SSH1: variants seen among roughly 807,000 people sequenced by gnomAD.
The protein encoded by SSH1 is slingshot protein phosphatase 1, also known as protein phosphatase Slingshot homolog 1.
A neutral mutation model predicts 79.7 loss-of-function variants in SSH1; 43 were observed. The ratio of observed to expected loss-of-function variants is 0.54; its 90% CI spans 0.42 to 0.70. SSH1 has a LOEUF of 0.70. Among genes scored for constraint, SSH1 ranks in the 30% least tolerant of loss-of-function variants. The pLI is 0.00. For synonymous variants in SSH1, 599 were observed against 538.3 expected (o/e 1.11, Z -1.56); for missense variants, 1,206 against 1,358.8 (o/e 0.89, Z 1.77).
chr12:108,851,647 T>C (rs1593137491), intron 2 of SSH1, among the ~76,000 whole-genome samples: 2 of 152,154 alleles, frequency 1.3e-5, no homozygotes, highest in Admixed American at 6.5e-5. Context: ...AAAACAAAAA[T>C]GTTTTTGGTG....
chr12:108,798,900 G>C (rs898742361), intron 13 of SSH1, 100 bp downstream of exon 13: 18 of 1,414,152 alleles, frequency 1.3e-5, no homozygotes, highest in Non-Finnish European at 1.8e-5. Flanking sequence ...CTGCTGGGCC[G>C]AATGGGAGCA....
intron 2 of SSH1, chr12:108,836,841 C>A: frequency 2.0e-6 from 1 of 506,706 alleles, no homozygotes; most frequent in South Asian, 1.5e-5. Flanking sequence ...GGGTGATGTT[C>A]CAGCCAAATA....
intron 3 of SSH1, among the ~76,000 whole-genome samples, chr12:108,819,070 G>A (rs1207670386): frequency 6.6e-6 from 1 of 151,942 alleles, no homozygotes; most frequent in African/African-American, 2.4e-5. Context: ...TCAAACTTCT[G>A]CATTTTCCAC....
intron 5 of SSH1, among the ~76,000 whole-genome samples, chr12:108,816,316 A>G (rs1316609241): frequency 6.6e-6 from 1 of 152,246 alleles, no homozygotes; most frequent in Non-Finnish European, 1.5e-5. Context: ...CATACACAGG[A>G]GAATGCAAAT....
chr12:108,825,945 C>T (rs2038293366), intron 2 of SSH1, among the ~76,000 whole-genome samples: 1 of 152,180 alleles, frequency 6.6e-6, no homozygotes, highest in South Asian at 2.1e-4. Context: ...AGATCATTTA[C>T]TATTTATTCT....
At chr12:108,829,197 G>A (rs1415125538) in intron 2 of SSH1, among the ~76,000 whole-genome samples, 1 of 152,060 alleles carries the variant, frequency 6.6e-6, no homozygotes, top group South Asian at 2.1e-4. Context: ...GTGTGGTGGT[G>A]CATGCCTGTA....
At position 108,799,174 on chromosome 12, in the gene SSH1, T is replaced by A. The variant is rs1248526059; in HGVS notation, c.1175A>T (p.His392Leu). Residue 392 changes from histidine (H) to leucine (L), a missense_variant, in exon 13 of 15, where the codon CAT (histidine) becomes CTT (leucine). Around this residue, in one of 5 missense-constraint regions of SSH1, gnomAD observed 166 missense variants for 262.9 expected, o/e 0.63. Transcript: ENST00000326495. ...CGAGCGACTCACGCCCATTTTGCAA[T>A]GCACCAGGCACTTGGAATGGTTCCT... is the stretch of plus-strand genomic sequence containing the variant. ...AKRNHSKCLV[H>L]CKMGVSRSAS... 1.2e-6 allele frequency: 2 copies of A among 1,614,016 alleles called. No homozygotes were observed. The highest frequency in any genetic ancestry group is 4.5e-5 in the East Asian group (2 of 44,886).
intron 10 of SSH1, among the ~76,000 whole-genome samples, chr12:108,804,413 G>C (rs1300994302): frequency 6.6e-6 from 1 of 152,072 alleles, no homozygotes. Context: ...TAGCCTCTCT[G>C]ACTTTGACAA....
chr12:108,799,761 T>C (rs2036908043), intron 12 of SSH1, among the ~76,000 whole-genome samples: 1 of 150,578 alleles, frequency 6.6e-6, no homozygotes, highest in Admixed American at 6.6e-5. Context: ...AAGCCAGGAG[T>C]GGAAGATGGG....
rs778128616 is a variant in SSH1 at position 108,817,015 on chromosome 12, A to AAC, written c.401+21_401+22dup. The AAC allele has an allele frequency of 3.1e-6, 5 of 1,613,354 alleles. No homozygotes were observed. In the Admixed American group the frequency reaches 5.0e-5, roughly 16 times the overall value. On this transcript the variant is annotated intron_variant, in intron 5 of 14. Coordinates refer to ENST00000326495, the MANE Select transcript of SSH1 (RefSeq NM_018984.4). ...AACTCTTGCCTCCCTCACAGAAGGG[A>AAC]ACACCTAGCCCATCAGACTCACCTT... is the stretch of plus-strand genomic sequence containing the variant.
intron 11 of SSH1, among the ~76,000 whole-genome samples, chr12:108,801,997 G>A (rs373087723): frequency 6.6e-6 from 1 of 152,196 alleles, no homozygotes; most frequent in African/African-American, 2.4e-5. Flanking sequence ...ACTGTGCGGG[G>A]CAGGGAAGCG....
chr12:108,823,733 T>TC (rs1193540760), intron 2 of SSH1, among the ~76,000 whole-genome samples: 2 of 152,128 alleles, frequency 1.3e-5, no homozygotes, highest in African/African-American at 4.8e-5. Context: ...AGTGGTGTGA[T>TC]CTCAACTCAC....
intron 2 of SSH1, among the ~76,000 whole-genome samples, chr12:108,824,188 T>C (rs2038228785): frequency 6.6e-6 from 1 of 152,224 alleles, no homozygotes; most frequent in African/African-American, 2.4e-5. Context: ...CTCAAGCCTG[T>C]AATCCCAGCA....
intron 8 of SSH1, 64 bp from the exon 9 acceptor site, chr12:108,806,458 G>T: frequency 6.9e-7 from 1 of 1,440,486 alleles, no homozygotes; most frequent in Non-Finnish European, 9.8e-7. Flanking sequence ...GAGGTTACAG[G>T]AATGCCAGAT....
intron 2 of SSH1, chr12:108,826,285 T>C: frequency 2.6e-6 from 1 of 391,310 alleles, no homozygotes; most frequent in South Asian, 1.9e-5. Context: ...CTCCTCCATG[T>C]TCCTACACTG....
At position 108,815,791 on chromosome 12, in the gene SSH1, G is replaced by A. The variant is rs970687841; in HGVS notation, c.401+1247C>T. Among the ~76,000 whole-genome samples the A allele has an allele frequency of 3.3e-5, 5 of 152,312 alleles. No homozygotes were observed. The East Asian group carries it at 9.6e-4, about 29-fold the overall frequency. ...CCAGCCCCAACTCCATCTTCTACATGTGTCACAGGAAACTTTCTCATAGTG... is the reference window on the plus strand; with the variant it reads ...CCAGCCCCAACTCCATCTTCTACATATGTCACAGGAAACTTTCTCATAGTG... On this transcript the variant is annotated intron_variant, in intron 5 of 14. Transcript: ENST00000326495.
chr12:108,838,545 C>T (rs2038695723), intron 2 of SSH1, among the ~76,000 whole-genome samples: 1 of 152,218 alleles, frequency 6.6e-6, no homozygotes, highest in Admixed American at 6.5e-5. Context: ...GCCAGGATAC[C>T]GCAGCCCTGC....
chr12:108,820,467 T>C lies in SSH1; in HGVS notation c.215-2154A>G, dbSNP rs77151384. 1.8e-3 allele frequency among the ~76,000 whole-genome samples: 276 copies of C among 152,314 alleles called. 2 individuals are homozygous for C. The highest frequency in any genetic ancestry group is 3.1e-3 in the Non-Finnish European group (214 of 68,030). On this transcript the variant is annotated intron_variant, in intron 3 of 14. Coordinates refer to ENST00000326495, the MANE Select transcript of SSH1 (RefSeq NM_018984.4). ...CATCTACCCGAGTCACAGAACTGCA[T>C]TGGGGAAAGCAAAAACAAACCCCTG... is the stretch of plus-strand genomic sequence containing the variant.
chr12:108,857,277 AC>A lies in SSH1; in HGVS notation c.69+150del. ...CATCGCACACAGTCCTCGCACGGTC[AC>A]CCCGGTCCGGCTGCCCGGCTCTGTT... On this transcript the variant is annotated intron_variant, in intron 1 of 14. Coordinates refer to ENST00000326495, the MANE Select transcript of SSH1 (RefSeq NM_018984.4). This position sits in a 1 kb window ranked among gnomAD's most constrained non-coding sequence, Gnocchi z 4.7. The A allele has an allele frequency of 4.0e-6, 1 of 251,194 alleles. No homozygotes were observed. Among genetic ancestry groups the A allele is most frequent in the Non-Finnish European group, 6.3e-6 (1 of 158,738 alleles). 15.6% of individuals were successfully genotyped at this position (251,194 alleles called of 1,614,324 possible).
Sources: allele counts gnomAD v4.1 joint callset (sites outside exome capture counted in the v4.1 genomes callset), GRCh38; gene constraint gnomAD v4.1.1; regional missense constraint gnomAD v4.1.1; non-coding constraint Gnocchi (gnomAD v3.1); transcripts MANE v1.5; gene names NCBI Gene and HGNC (gene_info 2026-07-23, HGNC 2026-07-21).